SGCD: variants seen among roughly 807,000 people sequenced by gnomAD.
The protein encoded by SGCD is delta-sarcoglycan.
A neutral mutation model predicts 36.6 loss-of-function variants in SGCD; 18 were observed. That is an observed-to-expected ratio of 0.49 (90% CI 0.34 to 0.73). The LOEUF (loss-of-function observed/expected upper bound fraction) is 0.73. Ranked by LOEUF, SGCD falls within the 30% of genes least tolerant of loss-of-function variation. SGCD has a pLI of 0.01. For missense variants in SGCD, 387 were observed against 346.7 expected (o/e 1.12, Z -0.92); for synonymous variants, 133 against 130.6 (o/e 1.02, Z -0.12).
At chr5:156,404,959 T>G (rs1246807883) in intron 3 of SGCD, among the ~76,000 whole-genome samples, 1 of 152,186 alleles carries the variant, frequency 6.6e-6, no homozygotes, top group Non-Finnish European at 1.5e-5. Flanking sequence ...CCTAAGGGAT[T>G]CTGCAGATGC....
chr5:156,756,558 A>G (rs1480606756), intron 7 of SGCD, among the ~76,000 whole-genome samples: 1 of 152,076 alleles, frequency 6.6e-6, no homozygotes, highest in East Asian at 1.9e-4. Context: ...AGAAAAATAA[A>G]ATTAGAATAT....
At chr5:156,703,780 A>G (rs1754627171) in intron 7 of SGCD, among the ~76,000 whole-genome samples, 1 of 152,196 alleles carries the variant, frequency 6.6e-6, no homozygotes, top group Non-Finnish European at 1.5e-5. Flanking sequence ...GTGACAATAT[A>G]GATCTTATAA....
intron 1 of SGCD, among the ~76,000 whole-genome samples, chr5:155,939,724 C>A (rs1165498779): frequency 6.6e-6 from 1 of 150,418 alleles, no homozygotes; most frequent in Non-Finnish European, 1.5e-5. Context: ...ATTTAAATTT[C>A]TATCATGGGC....
intron 1 of SGCD, among the ~76,000 whole-genome samples, chr5:156,087,579 G>T (rs909952464): frequency 1.3e-5 from 2 of 148,722 alleles, no homozygotes; most frequent in Non-Finnish European, 3.0e-5. Context: ...GGCAGAGGTT[G>T]CAGTGAGCCG....
chr5:155,828,028 G>C, the SGCD span, among the ~76,000 whole-genome samples: 1 of 151,908 alleles, frequency 6.6e-6, no homozygotes, highest in Non-Finnish European at 1.5e-5. Context: ...TACTAAGAAA[G>C]AGAGATGGGG....
intron 3 of SGCD, among the ~76,000 whole-genome samples, chr5:156,347,138 T>A (rs991320250): frequency 6.6e-6 from 1 of 152,004 alleles, no homozygotes; most frequent in Admixed American, 6.6e-5. Context: ...TTCAGAGAAA[T>A]GTTTAATCAG....
intron 1 of SGCD, among the ~76,000 whole-genome samples, chr5:155,879,270 A>C (rs1411849120): frequency 1.3e-5 from 2 of 152,164 alleles, no homozygotes; most frequent in Non-Finnish European, 2.9e-5. Flanking sequence ...AATTACATAT[A>C]TAAAACAGCA....
chr5:156,324,502 A>G, upstream of SGCD, among the ~76,000 whole-genome samples: 1 of 152,170 alleles, frequency 6.6e-6, no homozygotes, highest in Non-Finnish European at 1.5e-5. Flanking sequence ...ATTTCTTAAC[A>G]TTAGAAGAAT....
At chr5:156,666,723 C>A (rs1019982897) in intron 7 of SGCD, among the ~76,000 whole-genome samples, 17 of 150,912 alleles carry the variant, frequency 1.1e-4, no homozygotes, top group Non-Finnish European at 1.6e-4. Flanking sequence ...TGAGTTGACA[C>A]AGCACACGTT....
At chr5:155,744,485 A>AAATAT in the SGCD span, among the ~76,000 whole-genome samples, 9 of 152,202 alleles carry the variant, frequency 5.9e-5, no homozygotes, top group East Asian at 1.7e-3. Flanking sequence ...AAATAAAATA[A>AAATAT]ATGAACATTT....
At chr5:156,363,234 A>C (rs985979086) in intron 3 of SGCD, among the ~76,000 whole-genome samples, 1 of 152,152 alleles carries the variant, frequency 6.6e-6, no homozygotes, top group African/African-American at 2.4e-5. Context: ...CTGACCTCTA[A>C]ATGTCAGATT....
At position 156,476,627 on chromosome 5, in the gene SGCD, G is replaced by A. The variant is rs1406842073; in HGVS notation, c.193-31974G>A. ...AAGAAAAAATGCCTTCAAGAAAATA[G>A]GGCATAGTATAATGCTTCCGTAGCT... On this transcript the variant is annotated intron_variant, in intron 3 of 8. Coordinates refer to ENST00000337851, the MANE Select transcript of SGCD (RefSeq NM_000337.6). Among the ~76,000 whole-genome samples the A allele has an allele frequency of 2.0e-5, 3 of 152,166 alleles. No homozygotes were observed. In the South Asian group the frequency reaches 6.2e-4, roughly 32 times the overall value.
intron 4 of SGCD, among the ~76,000 whole-genome samples, 188 bp from the exon 5 acceptor site, chr5:156,589,043 C>A (rs1159476924): frequency 7.0e-6 from 1 of 142,440 alleles, no homozygotes; most frequent in East Asian, 2.1e-4. Context: ...TGGAAGAAAT[C>A]TGTTTTAGAT....
chr5:156,747,103 A>C (rs116221952), intron 7 of SGCD, among the ~76,000 whole-genome samples: 17,377 of 152,134 alleles, frequency 0.11, 1,949 homozygotes, highest in African/African-American at 0.29. Context: ...AAAACACATG[A>C]AAAGGTGCCT....
chr5:156,222,444 A>C (rs79345698), intron 3 of SGCD, among the ~76,000 whole-genome samples: 6,082 of 152,176 alleles, frequency 0.04, 243 homozygotes, highest in African/African-American at 0.1. Context: ...AGTTTTGAGA[A>C]ACTCTTATAT....
intron 3 of SGCD, among the ~76,000 whole-genome samples, chr5:156,463,276 T>G (rs1372579889): frequency 6.6e-6 from 1 of 152,124 alleles, no homozygotes; most frequent in Non-Finnish European, 1.5e-5. Context: ...TCTCCTGACC[T>G]TGTGATCTGC....
At chr5:156,170,657 C>T (rs1376105442) in intron 3 of SGCD, among the ~76,000 whole-genome samples, 1 of 152,182 alleles carries the variant, frequency 6.6e-6, no homozygotes, top group East Asian at 1.9e-4. Context: ...CCTTGCTTCT[C>T]TGTAGCAGCA....
rs543818201 is a variant in SGCD at position 156,099,454 on chromosome 5, A to C, written c.-281-18424A>C. 5.3e-5 allele frequency among the ~76,000 whole-genome samples: 8 copies of C among 152,210 alleles called. No homozygotes were observed. In the South Asian group the frequency reaches 1.5e-3, roughly 28 times the overall value. ...TTCTGAGACAGGGTCTCACTTTGTC[A>C]CCCAGAGTGGAATGCAGTGGCGCCA... is the stretch of plus-strand genomic sequence containing the variant. On this transcript the variant is annotated intron_variant, in intron 1 of 9. Coordinates refer to the SGCD transcript ENST00000517913.
At chr5:156,383,831 C>G (rs1002454319) in intron 3 of SGCD, among the ~76,000 whole-genome samples, 5 of 152,082 alleles carry the variant, frequency 3.3e-5, no homozygotes, top group Non-Finnish European at 5.9e-5. Context: ...TGATGAGTCA[C>G]CAGATGCCAG....
Sources: gnomAD v4.1 joint callset for allele counts (sites outside exome capture counted in the v4.1 genomes callset) on GRCh38, gnomAD v4.1.1 for gene constraint, MANE v1.5 for transcripts, NCBI Gene and HGNC (gene_info 2026-07-23, HGNC 2026-07-21) for gene names.